DCTD: variants seen among roughly 807,000 people sequenced by gnomAD.
DCTD encodes deoxycytidylate deaminase.
DCTD carries 23 observed loss-of-function variants against 21.0 expected under a neutral mutation model. The ratio of observed to expected loss-of-function variants is 1.09; its 90% CI spans 0.79 to 1.55. DCTD has a LOEUF of 1.55. Ranked by LOEUF, DCTD falls within the 40% of genes most tolerant of loss-of-function variation. DCTD has a pLI of 0.00. For synonymous variants in DCTD, 71 were observed against 81.1 expected (o/e 0.88, Z 0.67); for missense variants, 224 against 230.0 (o/e 0.97, Z 0.17).
intron 5 of DCTD, among the ~76,000 whole-genome samples, chr4:182,892,376 T>A (rs1690583043): frequency 6.6e-6 from 1 of 152,208 alleles, no homozygotes; most frequent in Non-Finnish European, 1.5e-5. Flanking sequence ...TGCAAAATGT[T>A]GCTGTAAAAA....
chr4:182,896,472 G>A (rs536286717), intron 3 of DCTD, among the ~76,000 whole-genome samples: 1 of 152,366 alleles, frequency 6.6e-6, no homozygotes, highest in East Asian at 1.9e-4. Context: ...AGGCAAACAA[G>A]CTGTGCTTCA....
rs889844712 is a variant in DCTD at position 182,911,602 on chromosome 4, T to C, written c.244+3321A>G. ...GGAGGTAGCAGGAAGAGCACTGACC[T>C]TGGAATTAGGAGATGTCACCCTGCA... On this transcript the variant is annotated intron_variant, in intron 3 of 5. Coordinates refer to ENST00000438320, the MANE Select transcript of DCTD (RefSeq NM_001921.3). 2.0e-5 allele frequency: 3 copies of C among 152,066 alleles called. 1 individual carries two copies. The highest frequency in any genetic ancestry group is 2.0e-4 in the Admixed American group (3 of 15,256). 9.4% of individuals were successfully genotyped at this position (152,066 alleles called of 1,614,324 possible).
At position 182,895,446 on chromosome 4, in the gene DCTD, A is replaced by C. The variant is rs547847441; in HGVS notation, c.245-841T>G. On this transcript the variant is annotated intron_variant, in intron 3 of 5. Coordinates refer to ENST00000438320, the MANE Select transcript of DCTD (RefSeq NM_001921.3). ...AGTTGAGCTCTTGATAGACCAGTGCATTCCACCCATGATCCCGGGTCACAT... is the reference window on the plus strand; with the variant it reads ...AGTTGAGCTCTTGATAGACCAGTGCCTTCCACCCATGATCCCGGGTCACAT... Among the ~76,000 whole-genome samples, 4 of 152,316 alleles carry C rather than the reference A, an allele frequency of 2.6e-5. No homozygotes were observed. In the South Asian group the frequency reaches 8.3e-4, roughly 32 times the overall value.
intron 3 of DCTD, 50 bp from the exon 4 acceptor site, chr4:182,894,655 G>T (rs1197361125): frequency 1.8e-6 from 2 of 1,132,360 alleles, no homozygotes; most frequent in African/African-American, 1.5e-5. Flanking sequence ...AGCTCATGAA[G>T]AATTTACTAA....
At chr4:182,902,820 G>A (rs9990999) in intron 3 of DCTD, among the ~76,000 whole-genome samples, 55,426 of 151,948 alleles carry the variant, frequency 0.36, 10,461 homozygotes, top group Non-Finnish European at 0.42. Context: ...AATCAGCAGC[G>A]GCCCGAGTGC....
intron 1 of DCTD, 178 bp from the exon 2 acceptor site, chr4:182,915,753 C>T: frequency 1.3e-6 from 1 of 796,000 alleles, no homozygotes; most frequent in Non-Finnish European, 1.8e-6. Context: ...TAAGTAAAAA[C>T]TTAAGAAATT....
intron 3 of DCTD, among the ~76,000 whole-genome samples, chr4:182,912,632 G>C (rs1273171669): frequency 6.6e-6 from 1 of 152,150 alleles, no homozygotes; most frequent in East Asian, 1.9e-4. Flanking sequence ...TTCTAGAAAG[G>C]GGCTCTGAAA....
At chr4:182,916,329 G>A (rs1738726650) in intron 1 of DCTD, 1 of 970,316 alleles carries the variant, frequency 1.0e-6, no homozygotes, top group Non-Finnish European at 1.2e-6. Flanking sequence ...AGCCCACGAA[G>A]GGGGTCCTAG....
chr4:182,916,022 G>C, intron 1 of DCTD: 1 of 303,518 alleles, frequency 3.3e-6, no homozygotes, highest in South Asian at 1.0e-4. Flanking sequence ...GGTAGACAGT[G>C]CCATCCCATC....
chr4:182,914,784 A>C, intron 3 of DCTD, 139 bp downstream of exon 3: 2 of 944,236 alleles, frequency 2.1e-6, no homozygotes, highest in East Asian at 2.5e-5. Flanking sequence ...AAGGCCAGGA[A>C]ATTGGGGTAG....
chr4:182,914,474 A>C (rs1382668030), intron 3 of DCTD, among the ~76,000 whole-genome samples: 2 of 152,244 alleles, frequency 1.3e-5, no homozygotes, highest in African/African-American at 4.8e-5. Context: ...ACATGGGCTG[A>C]ATGAAGCCTG....
intron 3 of DCTD, among the ~76,000 whole-genome samples, chr4:182,907,410 T>C (rs80351660): frequency 0.012 from 1,766 of 152,314 alleles, 33 homozygotes; most frequent in African/African-American, 0.036. Context: ...CGTGCTGGGA[T>C]TACAGGCGTG....
chr4:182,893,163 C>T lies in DCTD; in HGVS notation c.362-36G>A, dbSNP rs72553969. The T allele has an allele frequency of 8.6e-4, 1,078 of 1,248,384 alleles. 18 individuals are homozygous for T. The African/African-American group carries it at 0.015, about 17-fold the overall frequency. 77.3% of individuals were successfully genotyped at this position (1,248,384 alleles called of 1,614,324 possible). On this transcript the variant is annotated intron_variant, in intron 4 of 5. Transcript: ENST00000438320. ...ACAATGGGAGCTCCCTTAGTGTACG[C>T]ACCTACAGATGCTGCAAAAGACAGG...
intron 3 of DCTD, among the ~76,000 whole-genome samples, chr4:182,904,703 T>C (rs1732186398): frequency 6.6e-6 from 1 of 152,090 alleles, no homozygotes; most frequent in African/African-American, 2.4e-5. Context: ...CAATCAGCTC[T>C]TCTCTTCTCC....
intron 3 of DCTD, among the ~76,000 whole-genome samples, chr4:182,896,480 T>C (rs1734747634): frequency 6.6e-6 from 1 of 152,210 alleles, no homozygotes; most frequent in African/African-American, 2.4e-5. Flanking sequence ...AAGCTGTGCT[T>C]CACTGACCAC....
At chr4:182,907,339 T>C (rs1278586595) in intron 3 of DCTD, among the ~76,000 whole-genome samples, 1 of 152,202 alleles carries the variant, frequency 6.6e-6, no homozygotes, top group East Asian at 1.9e-4. Flanking sequence ...GATTTCGCCA[T>C]GTTGCCCAGG....
At chr4:182,915,106 T>G in intron 2 of DCTD, 48 bp from the exon 3 acceptor site, 1 of 1,613,280 alleles carries the variant, frequency 6.2e-7, no homozygotes, top group Non-Finnish European at 8.5e-7. Flanking sequence ...CTGGCTGGTC[T>G]GCCGCTGTGG....
Position 182,891,320 on chromosome 4 carries a change from G to T in DCTD, c.*79C>A. ...CATACTGGCTAGTAAGAAGTTATGT[G>T]TAACTTCAAGATGAAAGGCATTAGC... On this transcript the variant is annotated 3_prime_UTR_variant, in exon 6 of 6. Coordinates refer to ENST00000438320, the MANE Select transcript of DCTD (RefSeq NM_001921.3). The T allele has an allele frequency of 1.0e-6, 1 of 978,292 alleles. No individual in the cohort carries two copies. The highest frequency in any genetic ancestry group is 1.6e-6 in the Non-Finnish European group (1 of 609,292). The allele number at this position is 978,292 out of a possible 1,614,324, so 60.6% of individuals were successfully genotyped here.
Position 182,915,060 on chromosome 4 carries a change from T to C in DCTD, c.109-2A>G. The stretch of plus-strand genomic sequence containing the variant: ...TGAATTCACGATGCAGGCGCCGACC[T>C]AGAAGGAAACATGCCCAAAGGCTTG... On this transcript the variant is annotated splice_acceptor_variant, in intron 2 of 5. Transcript: ENST00000438320. LOFTEE classifies it high-confidence loss of function. The C allele has an allele frequency of 1.2e-6, 2 of 1,614,222 alleles. No homozygotes were observed. Among genetic ancestry groups the C allele is most frequent in the Non-Finnish European group, 1.7e-6 (2 of 1,180,032 alleles).
Sources: allele counts gnomAD v4.1 joint callset (sites outside exome capture counted in the v4.1 genomes callset), GRCh38; gene constraint gnomAD v4.1.1; transcripts MANE v1.5; gene names NCBI Gene and HGNC (gene_info 2026-07-23, HGNC 2026-07-21).